The following WDR81 variants were observed in gnomAD, a reference collection of about 807,000 sequenced individuals.
WDR81 encodes WD repeat-containing protein 81.
WDR81 carries 92 observed loss-of-function variants against 140.8 expected under a neutral mutation model. The ratio of observed to expected loss-of-function variants is 0.65; its 90% confidence interval spans 0.55 to 0.78. The LOEUF is 0.78. Ranked by LOEUF, WDR81 falls within the 30% of genes least tolerant of loss-of-function variation. WDR81 has a pLI of 0.00. For missense variants in WDR81, 2,502 were observed against 2,636.4 expected, an observed-to-expected ratio of 0.95 and a Z score of 1.12; for synonymous variants, 1,183 against 1,156.4, an observed-to-expected ratio of 1.02 and a Z score of -0.47.
chr17:1,731,065 T>TAGGTGGCCCC lies in WDR81; in HGVS notation c.3968_3977dup. On this transcript the variant is annotated splice_polypyrimidine_tract_variant and splice_region_variant and intron_variant, in intron 3 of 9. Transcript: ENST00000409644. The stretch of plus-strand genomic sequence containing the variant: ...CCGGCCCTCATCTGCTCGGTGGCTC[T>TAGGTGGCCCC]AGGTGGCCCCAGGGAGTGCCTCAGG... 1 of 1,611,602 alleles carries TAGGTGGCCCC rather than the reference T, an allele frequency of 6.2e-7. No homozygotes were observed. Among genetic ancestry groups the TAGGTGGCCCC allele is most frequent in the Non-Finnish European group, 8.5e-7 (1 of 1,179,318 alleles).
rs1446183365 is a variant in WDR81, at chr17:1,730,913, A to G, written c.3934A>G (p.Thr1312Ala). The change falls in exon 3 of 10, where the codon ACC (threonine) becomes GCC (alanine). Residue 1312 changes from threonine (T) to alanine (A), a missense_variant. Physicochemically the swap from Thr to Ala is moderately conservative, Grantham distance 58. This residue lies in a region of WDR81 where 1,737 missense variants were observed against 1,843.0 expected (regional missense o/e 0.94). Coordinates refer to ENST00000409644, the MANE Select transcript of WDR81 (RefSeq NM_001163809.2). ...IARLYGEPVLTYQYLPYISYL... is the reference protein window; with the variant it reads ...IARLYGEPVLAYQYLPYISYL... The stretch of plus-strand genomic sequence containing the variant: ...CCGCCTGTATGGGGAGCCTGTCCTC[A>G]CCTACCAGTACCTGCCCTACATCAG... The G allele has an allele frequency of 6.2e-7, 1 of 1,613,090 alleles. No homozygotes were observed. Among genetic ancestry groups the G allele is most frequent in the Non-Finnish European group, 8.5e-7 (1 of 1,179,916 alleles).
rs1403487123 is a variant in WDR81 at position 1,738,396 on chromosome 17, G to C, written c.*711G>C. The C allele has an allele frequency of 6.5e-6, 1 of 153,222 alleles. No individual in the cohort carries two copies. The highest frequency in any genetic ancestry group is 2.1e-4 in the South Asian group (1 of 4,860). The allele number at this position is 153,222 out of a possible 1,614,324, so 9.5% of individuals were successfully genotyped here. A position where few individuals can be genotyped will look rare whatever the true frequency, so the allele number is the denominator to read the frequency against. On this transcript the variant is annotated 3_prime_UTR_variant, in exon 10 of 10. Transcript: ENST00000409644. The stretch of plus-strand genomic sequence containing the variant: ...GCCTCTGGGCCCTGAACCCCTGCTG[G>C]GGCTCCACGACCCTGAGAGAAGGGG...
chr17:1,736,713 C>T (rs1007744800), intron 9 of WDR81, among the ~76,000 whole-genome samples: 3 of 152,188 alleles, frequency 2.0e-5, no homozygotes, highest in African/African-American at 7.2e-5. Flanking sequence ...TCCCCTCCCC[C>T]TCCCTCCATT....
In WDR81 at chr17:1,727,925, C is replaced by A; in HGVS notation, c.2966C>A (p.Ala989Asp). 1 of 1,550,668 alleles carries A rather than the reference C, an allele frequency of 6.4e-7. No individual in the cohort carries two copies. The highest frequency in any genetic ancestry group is 8.7e-7 in the Non-Finnish European group (1 of 1,147,056). The change falls in exon 1 of 10, where the codon GCC becomes GAC. Residue 989 changes from alanine to aspartate, a missense_variant. Physicochemically the swap from Ala to Asp is moderately radical, Grantham distance 126 (BLOSUM62 -2). Transcript: ENST00000409644. ...TACCTGTACACGGACTGCTTTGTGGCCCAGCTGATGGTGCGGCTGGGCCTG... is the reference window on the plus strand; with the variant it reads ...TACCTGTACACGGACTGCTTTGTGGACCAGCTGATGGTGCGGCTGGGCCTG... ...RFYLYTDCFVAQLMVRLGLQA... is the reference protein window; with the variant it reads ...RFYLYTDCFVDQLMVRLGLQA...
chr17:1,731,500 G>A (rs1180789860), intron 4 of WDR81, among the ~76,000 whole-genome samples: 6 of 152,168 alleles, frequency 3.9e-5, no homozygotes, highest in Non-Finnish European at 8.8e-5. Context: ...GTCCGGGCAC[G>A]GTGGCTCATG....
In WDR81 at chr17:1,727,063, C is replaced by T. The variant is rs562552772; in HGVS notation, c.2104C>T (p.Arg702Cys). 23 of 1,550,128 alleles carry T rather than the reference C, an allele frequency of 1.5e-5. No individual in the cohort carries two copies. In the Admixed American group the frequency reaches 1.6e-4, roughly 11 times the overall value. Residue 702 changes from arginine (R) to cysteine (C), a missense_variant, in exon 1 of 10, where the codon CGC becomes TGC. By Grantham distance (180) the Arg-to-Cys change is radical. Coordinates refer to ENST00000409644, the MANE Select transcript of WDR81 (RefSeq NM_001163809.2). ...FSVASASRPG[R>C]RNKAAGADPG... ...AGTGGCCTCAGCCTCCCGTCCAGGC[C>T]GCAGGAATAAAGCTGCTGGGGCAGA...
chr17:1,729,146 C>T (rs922652285), intron 1 of WDR81, among the ~76,000 whole-genome samples: 5 of 152,146 alleles, frequency 3.3e-5, no homozygotes, highest in South Asian at 2.1e-4. Context: ...TATGTTAGTG[C>T]GATAAAGAAC....
chr17:1,726,907 G>A lies in WDR81; in HGVS notation c.1948G>A (p.Asp650Asn), dbSNP rs761047767. 1.3e-6 allele frequency: 2 copies of A among 1,550,344 alleles called. No individual in the cohort carries two copies. Among genetic ancestry groups the A allele is most frequent in the African/African-American group, 1.4e-5 (1 of 73,058 alleles). The stretch of plus-strand genomic sequence containing the variant: ...TCCCTGTGAGGCTAGCTGGACCAGA[G>A]ACAGGCCGGTGGCAGGAGAAGACGA... ...ATPCEASWTRDRPVAGEDDLE... is the reference protein window; with the variant it reads ...ATPCEASWTRNRPVAGEDDLE... Residue 650 changes from aspartate to asparagine, a missense_variant, in exon 1 of 10, where the codon GAC (aspartate) becomes AAC (asparagine). Around this residue, in one of 3 missense-constraint regions of WDR81, gnomAD observed 1,737 missense variants for 1,843.0 expected, o/e 0.94. Transcript: ENST00000409644.
At position 1,726,402 on chromosome 17, in the gene WDR81, G is replaced by T; in HGVS notation, c.1443G>T (p.Glu481Asp). The T allele has an allele frequency of 6.5e-7, 1 of 1,550,306 alleles. No homozygotes were observed. Among genetic ancestry groups the T allele is most frequent in the Non-Finnish European group, 8.7e-7 (1 of 1,146,952 alleles). Residue 481 changes from glutamate to aspartate, a missense_variant, in exon 1 of 10, where the codon GAG becomes GAT. By Grantham distance (45) the Glu-to-Asp change is conservative. Coordinates refer to ENST00000409644, the MANE Select transcript of WDR81 (RefSeq NM_001163809.2). ...CCCATGAGTATCCGGCCAGCATGGA[G>T]CGGATGCAGAACTGGACCCCGGATG... Reference protein sequence around the residue: ...WEPHEYPASMERMQNWTPDEC... With the variant: ...WEPHEYPASMDRMQNWTPDEC...
At position 1,733,837 on chromosome 17, in the gene WDR81, C is replaced by T. The variant is rs753656730; in HGVS notation, c.4800C>T (p.Asn1600=). Residue 1600 remains asparagine (N), a synonymous_variant, in exon 7 of 10, where the codon AAC becomes AAT. Transcript: ENST00000409644. ...GGGLGSGSDD[N]ALKQELPRSV... ...GCCTGGGCAGCGGGAGCGACGACAA[C>T]GCCCTGAAGCAGGAGCTGCCGCGGA... 1.8e-5 allele frequency: 29 copies of T among 1,612,482 alleles called. No homozygotes were observed. The highest frequency in any genetic ancestry group is 1.6e-4 in the Middle Eastern group (1 of 6,084).
At chr17:1,720,328 G>C (rs946234105), upstream of WDR81, among the ~76,000 whole-genome samples, 1 of 152,222 alleles carries the variant, frequency 6.6e-6, no homozygotes, top group African/African-American at 2.4e-5. Context: ...CAGGGAACAC[G>C]CTTACTGGGG....
In WDR81 at chr17:1,737,846, AGT is replaced by A; in HGVS notation, c.*162_*163del. On this transcript the variant is annotated 3_prime_UTR_variant, in exon 10 of 10. Coordinates refer to ENST00000409644, the MANE Select transcript of WDR81 (RefSeq NM_001163809.2). ...CTAGGGCCTGCAAATGGAGTGGGGG[AGT>A]CCTGGCCCCTGAATCACCAGAGCCA... 1.1e-6 allele frequency: 1 copy of A among 912,598 alleles called. No individual in the cohort carries two copies. Among genetic ancestry groups the A allele is most frequent in the Non-Finnish European group, 1.6e-6 (1 of 623,212 alleles). 56.5% of individuals were successfully genotyped at this position (912,598 alleles called of 1,614,324 possible). A position where few individuals can be genotyped will look rare whatever the true frequency, so the allele number is the denominator to read the frequency against.
intron 1 of WDR81, among the ~76,000 whole-genome samples, chr17:1,728,839 G>A (rs1915485491): frequency 6.6e-6 from 1 of 152,148 alleles, no homozygotes; most frequent in Admixed American, 6.5e-5. Flanking sequence ...TGTAGTCCCA[G>A]CTACTCGGAA....
chr17:1,723,604 G>A (rs1915012600), upstream of WDR81, among the ~76,000 whole-genome samples: 1 of 151,840 alleles, frequency 6.6e-6, no homozygotes, highest in Admixed American at 6.6e-5. Context: ...TCCTGCCTCA[G>A]CTTCCCAAGT....
rs541876277 is a variant in WDR81, at chr17:1,732,743, C to T, written c.4401C>T (p.Pro1467=). Residue 1467 remains proline, a synonymous_variant, in exon 6 of 10, where the codon CCC becomes CCT. Coordinates refer to ENST00000409644, the MANE Select transcript of WDR81 (RefSeq NM_001163809.2). ...TCTTCTCTGATGGGCAGCAGCGGCC[C>T]GTGGACCCCGCCCTGCTGGACGAGC... ...QVVFSDGQQR[P]VDPALLDELQ... 80 of 1,613,038 alleles carry T rather than the reference C, an allele frequency of 5.0e-5. No homozygotes were observed. The South Asian group carries it at 7.2e-4, about 15-fold the overall frequency.
At chr17:1,724,637 G>A, upstream of WDR81, 4 of 1,017,550 alleles carry the variant, frequency 3.9e-6, no homozygotes, top group Non-Finnish European at 4.7e-6. Flanking sequence ...AGGAAGCGGG[G>A]TCCCGCCCGG....
In WDR81 at chr17:1,737,775, G is replaced by T; in HGVS notation, c.*90G>T. 6.9e-7 allele frequency: 1 copy of T among 1,455,644 alleles called. No individual in the cohort carries two copies. Among genetic ancestry groups the T allele is most frequent in the African/African-American group, 1.4e-5 (1 of 71,198 alleles). The allele number at this position is 1,455,644 out of a possible 1,614,324, so 90.2% of individuals were successfully genotyped here. On this transcript the variant is annotated 3_prime_UTR_variant, in exon 10 of 10. Coordinates refer to ENST00000409644, the MANE Select transcript of WDR81 (RefSeq NM_001163809.2). ...GTTCCCTGAGCAGCAGCTCCCTCCA[G>T]GGAGGCCCTGGGTCCCACGCCCTGG...
At chr17:1,734,808 T>C (rs1904717070) in intron 7 of WDR81, among the ~76,000 whole-genome samples, 1 of 150,526 alleles carries the variant, frequency 6.6e-6, no homozygotes, top group African/African-American at 2.4e-5. Context: ...AGATAACACA[T>C]GTAGGGTTTT....
In WDR81 at chr17:1,732,497, A is replaced by T; in HGVS notation, c.4323+7A>T. Reference sequence around the variant, plus strand: ...GCATGAGCTTCGGCAACAGGTGGGCAGATCTGCTGGGCCAGGGCGGGCTGG... The same window carrying T: ...GCATGAGCTTCGGCAACAGGTGGGCTGATCTGCTGGGCCAGGGCGGGCTGG... On this transcript the variant is annotated splice_region_variant and intron_variant, in intron 5 of 9. Coordinates refer to ENST00000409644, the MANE Select transcript of WDR81 (RefSeq NM_001163809.2). 1 of 1,507,556 alleles carries T rather than the reference A, an allele frequency of 6.6e-7. No homozygotes were observed. The highest frequency in any genetic ancestry group is 9.1e-7 in the Non-Finnish European group (1 of 1,104,230). 93.4% of individuals were successfully genotyped at this position (1,507,556 alleles called of 1,614,324 possible). A position where few individuals can be genotyped will look rare whatever the true frequency, so the allele number is the denominator to read the frequency against.
Sources: gnomAD v4.1 joint callset for allele counts (sites outside exome capture counted in the v4.1 genomes callset) on GRCh38, gnomAD v4.1.1 for gene constraint, gnomAD v4.1.1 regional missense constraint, MANE v1.5 for transcripts, NCBI Gene and HGNC (gene_info 2026-07-23, HGNC 2026-07-21) for gene names.